ALG9: variants seen among roughly 807,000 people sequenced by gnomAD.
The protein encoded by ALG9 is alpha-1,2-mannosyltransferase ALG9.
Under a neutral mutation model 81.8 loss-of-function variants are expected in ALG9, and 55 were observed. The observed-to-expected ratio is 0.67, with a 90% CI of 0.54 to 0.84. ALG9 has a LOEUF of 0.84. Ranked by LOEUF, ALG9 falls within the 40% of genes least tolerant of loss-of-function variation. ALG9 has a pLI of 0.00. For synonymous variants in ALG9, 278 were observed against 274.3 expected (o/e 1.01, Z -0.13); for missense variants, 629 against 745.0 (o/e 0.84, Z 1.81).
At chr11:111,805,614 T>C (rs1482429376) in intron 14 of ALG9, among the ~76,000 whole-genome samples, 1 of 152,194 alleles carries the variant, frequency 6.6e-6, no homozygotes, top group African/African-American at 2.4e-5. Context: ...GGCAAAACTA[T>C]GAAGACAGTA....
At chr11:111,839,651 C>G (rs1168995801) in intron 10 of ALG9, among the ~76,000 whole-genome samples, 1 of 146,996 alleles carries the variant, frequency 6.8e-6, no homozygotes, top group Non-Finnish European at 1.5e-5. Context: ...ACAACTATAA[C>G]AAACCTTGGT....
At chr11:111,822,730 CAAAA>C (rs1206787466) in intron 13 of ALG9, among the ~76,000 whole-genome samples, 2 of 149,770 alleles carry the variant, frequency 1.3e-5, no homozygotes, top group Admixed American at 1.3e-4. Context: ...AATAAACAAA[CAAAA>C]AAAACAGGCC....
chr11:111,812,901 GC>G lies in ALG9; in HGVS notation c.1603-3129del, dbSNP rs782551866. On this transcript the variant is annotated intron_variant, in intron 13 of 14. Coordinates refer to ENST00000616540, the MANE Select transcript of ALG9 (RefSeq NM_024740.2). Reference sequence around the variant, plus strand: ...CACTGCACTCCAGCCTGGTGACAGAGCAAGACTCTGTCTCAAAAAAAAAAAA... The same window carrying G: ...CACTGCACTCCAGCCTGGTGACAGAGAAGACTCTGTCTCAAAAAAAAAAAA... Among the ~76,000 whole-genome samples the G allele has an allele frequency of 5.5e-5, 6 of 109,326 alleles. No homozygotes were observed. The East Asian group carries it at 8.0e-4, about 15-fold the overall frequency. 71.7% of individuals were successfully genotyped at this position (109,326 alleles called of 152,430 possible). A position where few individuals can be genotyped will look rare whatever the true frequency, so the allele number is the denominator to read the frequency against.
chr11:111,832,096 ATTATAACTTTTGTAAGATTTCAGATAATC>A (rs1417547742), intron 13 of ALG9, among the ~76,000 whole-genome samples: 17 of 152,136 alleles, frequency 1.1e-4, no homozygotes, highest in Non-Finnish European at 2.2e-4. Context: ...CACCTTTGCT[ATTATAACTTTTGTAAGATTTCAGATAATC>A]CTTTTACTAC....
chr11:111,853,456 A>G lies in ALG9; in HGVS notation c.819T>C (p.Tyr273=). 6.2e-7 allele frequency: 1 copy of G among 1,614,084 alleles called. No individual in the cohort carries two copies. The highest frequency in any genetic ancestry group is 8.5e-7 in the Non-Finnish European group (1 of 1,179,940). Residue 273 remains tyrosine, a synonymous_variant, in exon 8 of 15, where the codon TAT becomes TAC. Coordinates refer to ENST00000616540, the MANE Select transcript of ALG9 (RefSeq NM_024740.2). ...GTGGTGCAATCACCAACTTCCCATA[A>G]TAGTAGCTGTCAATGACCACCACAG... The part of the protein sequence containing the change: ...LVPVVVIDSY[Y]YGKLVIAPLN...
intron 3 of ALG9, among the ~76,000 whole-genome samples, chr11:111,866,910 T>C (rs1321801393): frequency 6.6e-6 from 1 of 151,816 alleles, no homozygotes; most frequent in Non-Finnish European, 1.5e-5. Flanking sequence ...CTGGCCAACA[T>C]GGTGAAACCC....
chr11:111,862,255 T>TTTTA (rs1960492374), intron 4 of ALG9, among the ~76,000 whole-genome samples: 1 of 150,988 alleles, frequency 6.6e-6, no homozygotes, highest in Admixed American at 6.6e-5. Flanking sequence ...TTTTTTTTTT[T>TTTTA]TAGAGAGAGT....
At chr11:111,855,418 AG>A (rs1216551996) in intron 6 of ALG9, among the ~76,000 whole-genome samples, 4 of 152,170 alleles carry the variant, frequency 2.6e-5, no homozygotes, top group African/African-American at 7.2e-5. Context: ...GCTGATTTAC[AG>A]GGGTCAAGAC....
At chr11:111,791,862 C>T (rs944693776) in intron 14 of ALG9, among the ~76,000 whole-genome samples, 7 of 152,238 alleles carry the variant, frequency 4.6e-5, no homozygotes, top group African/African-American at 1.4e-4. Flanking sequence ...GAGGCCAAGG[C>T]GGGTGAATCA....
At chr11:111,862,676 A>T (rs1555149117) in intron 4 of ALG9, among the ~76,000 whole-genome samples, 1 of 150,360 alleles carries the variant, frequency 6.7e-6, no homozygotes, top group Non-Finnish European at 1.5e-5. Flanking sequence ...TTATCTACTG[A>T]GTCTTAAATA....
intron 13 of ALG9, among the ~76,000 whole-genome samples, chr11:111,835,573 A>G (rs1271607701): frequency 6.6e-6 from 1 of 152,244 alleles, no homozygotes; most frequent in African/African-American, 2.4e-5. Context: ...AGGCCAAGGA[A>G]TGATATGAGT....
rs183375040 is a variant in ALG9 at position 111,848,203 on chromosome 11, G to A, written c.896-3480C>T. Reference sequence around the variant, plus strand: ...TGTTTTGAGTGAAAAAAGATGGTATGTGAATAACTTCTGACACACAGTAGG... The same window carrying A: ...TGTTTTGAGTGAAAAAAGATGGTATATGAATAACTTCTGACACACAGTAGG... On this transcript the variant is annotated intron_variant, in intron 8 of 14. Coordinates refer to ENST00000616540, the MANE Select transcript of ALG9 (RefSeq NM_024740.2). 6.6e-3 allele frequency among the ~76,000 whole-genome samples: 1,010 copies of A among 152,294 alleles called. 6 individuals are homozygous for A. Among genetic ancestry groups the A allele is most frequent in the Middle Eastern group, 0.051 (15 of 294 alleles).
At chr11:111,840,251 T>C (rs1956018644) in intron 10 of ALG9, among the ~76,000 whole-genome samples, 1 of 152,178 alleles carries the variant, frequency 6.6e-6, no homozygotes, top group Non-Finnish European at 1.5e-5. Flanking sequence ...TGCCAGAGAA[T>C]TGACCTGGGC....
chr11:111,836,309 A>T lies in ALG9; in HGVS notation c.1473-15T>A. On this transcript the variant is annotated splice_polypyrimidine_tract_variant and intron_variant, in intron 12 of 14. Transcript: ENST00000616540. ...GAAGCTGCCAACTGTCAGAAACACA[A>T]GGAGAATAAGAAAAACACAGGGGGA... 6.2e-7 allele frequency: 1 copy of T among 1,613,930 alleles called. No homozygotes were observed. Among genetic ancestry groups the T allele is most frequent in the Non-Finnish European group, 8.5e-7 (1 of 1,179,888 alleles).
rs1946331828 is a variant in ALG9 at position 111,785,102 on chromosome 11, G to A, written c.*1295C>T. On this transcript the variant is annotated 3_prime_UTR_variant, in exon 15 of 15. Coordinates refer to ENST00000616540, the MANE Select transcript of ALG9 (RefSeq NM_024740.2). ...TTTTCATGGTTGAGTGAGGAATATG[G>A]AGGAGCAATAGATGAGAGTAAGGAA... The A allele has an allele frequency of 6.6e-6, 1 of 152,638 alleles. No individual in the cohort carries two copies. The highest frequency in any genetic ancestry group is 1.5e-5 in the Non-Finnish European group (1 of 68,040). 9.5% of individuals were successfully genotyped at this position (152,638 alleles called of 1,614,324 possible).
At chr11:111,771,838 AT>A in the ALG9 span, among the ~76,000 whole-genome samples, 1 of 152,008 alleles carries the variant, frequency 6.6e-6, no homozygotes, top group Non-Finnish European at 1.5e-5. Context: ...GAACTCAAAT[AT>A]TTTCCCTTCA....
intron 8 of ALG9, among the ~76,000 whole-genome samples, chr11:111,849,037 GTTTCTTTC>G (rs34647018): frequency 3.3e-5 from 5 of 151,128 alleles, no homozygotes; most frequent in Non-Finnish European, 5.9e-5. Context: ...TTTATTCAAT[GTTTCTTTC>G]TTTCTTTCTT....
Position 111,837,367 on chromosome 11 carries a change from CTG to C in ALG9, c.1472+99_1472+100del, listed in dbSNP as rs1268265567. On this transcript the variant is annotated intron_variant, in intron 12 of 14. Transcript: ENST00000616540. ...ACGTGGTAGATAATTCAATAACTCT[CTG>C]TGAAAACTCCAAAAGAAAACAAAAA... The C allele has an allele frequency of 3.6e-6, 5 of 1,372,548 alleles. No individual in the cohort carries two copies. The Admixed American group carries it at 8.8e-5, about 24-fold the overall frequency. The allele number at this position is 1,372,548 out of a possible 1,614,324, so 85.0% of individuals were successfully genotyped here.
intron 9 of ALG9, among the ~76,000 whole-genome samples, chr11:111,841,428 C>G (rs1278613641): frequency 6.6e-6 from 1 of 152,196 alleles, no homozygotes; most frequent in Non-Finnish European, 1.5e-5. Context: ...CTCATCCACT[C>G]CGGATCCCCA....
Sources: gnomAD v4.1 joint callset for allele counts (sites outside exome capture counted in the v4.1 genomes callset) on GRCh38, gnomAD v4.1.1 for gene constraint, MANE v1.5 for transcripts, NCBI Gene and HGNC (gene_info 2026-07-23, HGNC 2026-07-21) for gene names.